ULK1: variants seen among roughly 807,000 people sequenced by gnomAD.
ULK1 encodes the protein unc-51 like autophagy activating kinase 1, also known as serine/threonine-protein kinase ULK1.
Under a neutral mutation model 117.5 loss-of-function variants are expected in ULK1, and 48 were observed. The observed-to-expected ratio is 0.41, with a 90% CI of 0.32 to 0.52. ULK1 has a LOEUF of 0.52. Among genes scored for constraint, ULK1 ranks in the 20% least tolerant of loss-of-function variants. The probability of loss-of-function intolerance (pLI) is 0.29; values close to 1 mark genes in which losing one functional copy is unlikely to be tolerated. For synonymous variants in ULK1, 790 were observed against 637.8 expected (o/e 1.24, Z -3.60); for missense variants, 1,387 against 1,473.4 (o/e 0.94, Z 0.96).
At position 131,919,268 on chromosome 12, in the gene ULK1, C is replaced by T. The variant is rs143735595; in HGVS notation, c.2568C>T (p.His856=). 2.5e-4 allele frequency: 396 copies of T among 1,598,824 alleles called. 1 individual carries two copies. Among genetic ancestry groups the T allele is most frequent in the East Asian group, 2.4e-3 (109 of 44,808 alleles). Residue 856 remains histidine (H), a synonymous_variant, in exon 24 of 28, where the codon CAC becomes CAT. Coordinates refer to ENST00000321867, the MANE Select transcript of ULK1 (RefSeq NM_003565.4). ...GCTTCACGCTGCTGTTCGTGCAGCACGTCCTGGAGATCGCAGCCCTGAAGG... is the reference window on the plus strand; with the variant it reads ...GCTTCACGCTGCTGTTCGTGCAGCATGTCCTGGAGATCGCAGCCCTGAAGG... The part of the protein sequence containing the change: ...GLRFTLLFVQ[H]VLEIAALKGS...
In ULK1 at chr12:131,919,361, C is replaced by A. The variant is rs755233422; in HGVS notation, c.2661C>A (p.Ile887=). Residue 887 remains isoleucine, a synonymous_variant, in exon 24 of 28, where the codon ATC becomes ATA. Transcript: ENST00000321867. The part of the protein sequence containing the change: ...QLQESVVADQ[I]SLLSREWGFA... ...AGGAGAGTGTGGTGGCCGACCAGAT[C>A]AGCCTGCTGAGCCGAGAATGGGGGT... is the stretch of plus-strand genomic sequence containing the variant. 6.4e-6 allele frequency: 10 copies of A among 1,558,548 alleles called. No individual in the cohort carries two copies. The East Asian group carries it at 1.8e-4, about 29-fold the overall frequency.
chr12:131,913,271 C>T lies in ULK1; in HGVS notation c.1157+13C>T, dbSNP rs1889622056. On this transcript the variant is annotated intron_variant, in intron 14 of 27. Coordinates refer to ENST00000321867, the MANE Select transcript of ULK1 (RefSeq NM_003565.4). ...TGATGTGCAGTGGGTGAGCCCCCAT[C>T]CCTTACCTCTGTATTTTAGGGGAGA... 2 of 1,548,838 alleles carry T rather than the reference C, an allele frequency of 1.3e-6. No individual in the cohort carries two copies. Among genetic ancestry groups the T allele is most frequent in the South Asian group, 1.2e-5 (1 of 82,730 alleles).
intron 5 of ULK1, among the ~76,000 whole-genome samples, chr12:131,907,902 C>T (rs1433430308): frequency 9.3e-6 from 1 of 107,820 alleles, no homozygotes. Flanking sequence ...CTGCACGGGG[C>T]GGGGCGGGGC....
chr12:131,914,739 G>A (rs1340890339), intron 16 of ULK1, among the ~76,000 whole-genome samples: 1 of 152,230 alleles, frequency 6.6e-6, no homozygotes, highest in Non-Finnish European at 1.5e-5. Context: ...AGTAAATGGT[G>A]GGAGGAAAGG....
chr12:131,921,526 G>A lies in ULK1; in HGVS notation c.*165G>A, dbSNP rs1890151352. On this transcript the variant is annotated 3_prime_UTR_variant, in exon 28 of 28. Transcript: ENST00000321867. ...TGCCGGCCTCCCTGCAGCTCACGGG[G>A]CAGAACCAGCACATCTGGAGCCACA... is the stretch of plus-strand genomic sequence containing the variant. 2 of 972,126 alleles carry A rather than the reference G, an allele frequency of 2.1e-6. No homozygotes were observed. Among genetic ancestry groups the A allele is most frequent in the Non-Finnish European group, 3.1e-6 (2 of 637,608 alleles). The allele number at this position is 972,126 out of a possible 1,614,324, so 60.2% of individuals were successfully genotyped here.
intron 11 of ULK1, 144 bp downstream of exon 11, chr12:131,910,448 C>T (rs1378372046): frequency 7.3e-7 from 1 of 1,369,762 alleles, no homozygotes; most frequent in African/African-American, 1.4e-5. Flanking sequence ...ACACCCGGCT[C>T]CTTGCTCTGC....
At chr12:131,916,822 A>G in intron 20 of ULK1, 131 bp from the exon 21 acceptor site, 2 of 991,432 alleles carry the variant, frequency 2.0e-6, no homozygotes, top group East Asian at 2.8e-5. Flanking sequence ...CTGGGGTGAC[A>G]GGAGCGCCTG....
chr12:131,911,893 G>A, intron 12 of ULK1, 49 bp from the exon 13 acceptor site: 1 of 1,612,212 alleles, frequency 6.2e-7, no homozygotes, highest in Admixed American at 1.7e-5. Flanking sequence ...GCTCCCCTGA[G>A]TGTGTAGGTC....
chr12:131,910,138 C>A, intron 10 of ULK1, 116 bp from the exon 11 acceptor site: 2 of 1,565,808 alleles, frequency 1.3e-6, no homozygotes, highest in Non-Finnish European at 1.8e-6. Flanking sequence ...CAGGCAGGGG[C>A]TCCACCTCCG....
chr12:131,921,060 G>A, intron 26 of ULK1, 40 bp from the exon 27 acceptor site: 2 of 1,544,072 alleles, frequency 1.3e-6, no homozygotes, highest in Non-Finnish European at 8.7e-7. Context: ...GGAGGGAGTG[G>A]GGTGAGCTGG....
rs565929592 is a variant in ULK1, at chr12:131,919,313, G to T, written c.2613G>T (p.Ala871=). ...AALKGSASEA[A]GGPEYQLQES... ...TGAAGGGCAGCGCCAGTGAGGCGGC[G>T]GGGGGCCCTGAGTACCAGCTGCAGG... Residue 871 remains alanine, a synonymous_variant, in exon 24 of 28, where the codon GCG becomes GCT. Transcript: ENST00000321867. 1.1e-5 allele frequency: 18 copies of T among 1,588,614 alleles called. No individual in the cohort carries two copies. In the African/African-American group the frequency reaches 2.0e-4, roughly 18 times the overall value.
At chr12:131,901,036 T>C (rs927319780) in intron 3 of ULK1, among the ~76,000 whole-genome samples, 29 of 150,616 alleles carry the variant, frequency 1.9e-4, no homozygotes, top group African/African-American at 5.5e-4. Context: ...AAGTTGTGTA[T>C]ATCTTTTTTT....
Position 131,895,702 on chromosome 12 carries a change from G to T in ULK1, c.204+9G>T. The T allele has an allele frequency of 1.2e-6, 2 of 1,614,184 alleles. No individual in the cohort carries two copies. The highest frequency in any genetic ancestry group is 2.2e-5 in the South Asian group (2 of 91,088). On this transcript the variant is annotated intron_variant, in intron 2 of 27. Transcript: ENST00000321867. Reference sequence around the variant, plus strand: ...AAATCAAAATCCTGAAGGTGAGCCAGTGCTGGGGGAGGGGGCGTGGGCGTG... The same window carrying T: ...AAATCAAAATCCTGAAGGTGAGCCATTGCTGGGGGAGGGGGCGTGGGCGTG...
Position 131,916,517 on chromosome 12 carries a change from G to T in ULK1, c.1998G>T (p.Glu666Asp). ...PRNRTLPDLS[E>D]VGPFHGQPLG... ...ACCGGACGCTGCCCGACCTCTCGGA[G>T]GTGGGACCCTTCCATGGTCAGCCGT... Residue 666 changes from glutamate to aspartate, a missense_variant, in exon 20 of 28, where the codon GAG (glutamate) becomes GAT (aspartate). Physicochemically the swap from Glu to Asp is conservative, Grantham distance 45. Coordinates refer to ENST00000321867, the MANE Select transcript of ULK1 (RefSeq NM_003565.4). 1 of 1,611,760 alleles carries T rather than the reference G, an allele frequency of 6.2e-7. No individual in the cohort carries two copies. The highest frequency in any genetic ancestry group is 8.5e-7 in the Non-Finnish European group (1 of 1,179,780).
chr12:131,921,029 G>C (rs1890127266), intron 26 of ULK1, 71 bp from the exon 27 acceptor site: 1 of 1,493,614 alleles, frequency 6.7e-7, no homozygotes, highest in Non-Finnish European at 8.9e-7. Context: ...CGCTGCCGTG[G>C]GTGCAGGGCA....
At chr12:131,904,279 T>C (rs890950062) in intron 3 of ULK1, among the ~76,000 whole-genome samples, 1 of 152,184 alleles carries the variant, frequency 6.6e-6, no homozygotes, top group Non-Finnish European at 1.5e-5. Context: ...CCTGAGTAGC[T>C]GGGACTACAG....
chr12:131,918,955 A>AC (rs1890016603), intron 23 of ULK1, among the ~76,000 whole-genome samples: 1 of 16,782 alleles, frequency 6.0e-5, no homozygotes, highest in South Asian at 1.9e-3. Context: ...TGTGGGGTGC[A>AC]GGGTGTGGGG....
At chr12:131,907,997 G>A (rs1889346166) in intron 5 of ULK1, among the ~76,000 whole-genome samples, 1 of 151,250 alleles carries the variant, frequency 6.6e-6, no homozygotes, top group South Asian at 2.1e-4. Context: ...GCCGGCGGGC[G>A]CGGGGGTGGG....
In ULK1 at chr12:131,916,953, G is replaced by A. The variant is rs760383551; in HGVS notation, c.2073G>A (p.Arg691=). ...AGCACAGCCCTGCACACTCCCACAG[G>A]TCTTTCAGCACCAGCCGCCTCACTG... The part of the protein sequence containing the change: ...PGEDPKGPFG[R]SFSTSRLTDL... The change falls in exon 21 of 28, where the codon CGG becomes CGA. Residue 691 remains arginine (R), a splice_region_variant and synonymous_variant. Transcript: ENST00000321867. The A allele has an allele frequency of 1.9e-6, 3 of 1,610,228 alleles. No homozygotes were observed. The South Asian group carries it at 3.3e-5, about 18-fold the overall frequency.
Sources: allele counts gnomAD v4.1 joint callset (sites outside exome capture counted in the v4.1 genomes callset), GRCh38; gene constraint gnomAD v4.1.1; transcripts MANE v1.5; gene names NCBI Gene and HGNC (gene_info 2026-07-23, HGNC 2026-07-21).